The following ZNF429 variants were observed in gnomAD, a reference collection of about 807,000 sequenced individuals.
The protein encoded by ZNF429 is zinc finger protein 429.
ZNF429 carries 53 observed loss-of-function variants against 56.8 expected under a neutral mutation model. The ratio of observed to expected loss-of-function variants is 0.93; its 90% CI spans 0.75 to 1.17. The LOEUF is 1.17. ZNF429 is among the 50% of genes most tolerant of loss of function. The pLI is 0.00. For missense variants in ZNF429, 849 were observed against 788.4 expected, an observed-to-expected ratio of 1.08 and a Z score of -0.92; for synonymous variants, 278 against 264.7, an observed-to-expected ratio of 1.05 and a Z score of -0.49.
intron 1 of ZNF429, 146 bp downstream of exon 1, chr19:21,505,920 C>T (rs1201810184): frequency 4.7e-6 from 4 of 846,534 alleles, no homozygotes; most frequent in African/African-American, 1.7e-5. Context: ...CTTCAGTCCC[C>T]TTCAGCCATA....
In ZNF429 at chr19:21,530,674, T is replaced by G; in HGVS notation, c.216T>G (p.Asp72Glu). 1.2e-6 allele frequency: 2 copies of G among 1,608,246 alleles called. No homozygotes were observed. Among genetic ancestry groups the G allele is most frequent in the Non-Finnish European group, 1.7e-6 (2 of 1,176,496 alleles). The change falls in exon 3 of 4, where the codon GAT (aspartate) becomes GAG (glutamate). Residue 72 changes from aspartate to glutamate, a missense_variant. Coordinates refer to ENST00000358491, the MANE Select transcript of ZNF429 (RefSeq NM_001001415.4). ...PCKMKRHEMVDEPPVVCSHFA... is the reference protein window; with the variant it reads ...PCKMKRHEMVEEPPVVCSHFA... ...AGATGAAGCGACATGAAATGGTGGA[T>G]GAACCCCCAGGTAGGTGAGAGTGAA...
intron 1 of ZNF429, among the ~76,000 whole-genome samples, chr19:21,516,432 T>A (rs1599448003): frequency 6.6e-6 from 1 of 152,310 alleles, no homozygotes; most frequent in African/African-American, 2.4e-5. Flanking sequence ...TCGGGCTTTT[T>A]TTGTTGTTCC....
intron 1 of ZNF429, among the ~76,000 whole-genome samples, chr19:21,523,929 A>G (rs1331187418): frequency 6.6e-6 from 1 of 152,230 alleles, no homozygotes; most frequent in Non-Finnish European, 1.5e-5. Context: ...GGATCTGCAC[A>G]TAAGGCCAGG....
At chr19:21,505,815 G>C in intron 1 of ZNF429, 41 bp downstream of exon 1, 1 of 1,607,120 alleles carries the variant, frequency 6.2e-7, no homozygotes. Flanking sequence ...AGGGGGAGGG[G>C]CTGGTCGGAA....
chr19:21,507,399 G>A (rs1321289310), intron 1 of ZNF429: 2 of 152,132 alleles, frequency 1.3e-5, no homozygotes, highest in Non-Finnish European at 2.9e-5. Context: ...GCATTGGATG[G>A]CACATTTAAA....
chr19:21,532,698 A>AT, intron 3 of ZNF429, among the ~76,000 whole-genome samples: 3,604 of 144,290 alleles, frequency 0.025, 112 homozygotes, highest in African/African-American at 0.067. Flanking sequence ...ATGTGAGAGG[A>AT]TTTTTTTTTT....
Position 21,534,359 on chromosome 19 carries a change from G to T in ZNF429, c.227-1921G>T. ...TAGTTTTGGCCACAAAACATAGTGT[G>T]TAATTTTGGTCTTTTAAATTTTATT... On this transcript the variant is annotated intron_variant, in intron 3 of 3. Coordinates refer to ENST00000358491, the MANE Select transcript of ZNF429 (RefSeq NM_001001415.4). Among the ~76,000 whole-genome samples, 5 of 101,624 alleles carry T rather than the reference G, an allele frequency of 4.9e-5. 1 individual carries two copies. The highest frequency in any genetic ancestry group is 1.8e-4 in the African/African-American group (5 of 27,528). The allele number at this position is 101,624 out of a possible 152,430, so 66.7% of individuals were successfully genotyped here. A position where few individuals can be genotyped will look rare whatever the true frequency, so the allele number is the denominator to read the frequency against.
chr19:21,505,757 C>A lies in ZNF429; in HGVS notation c.-15C>A. 1 of 1,610,850 alleles carries A rather than the reference C, an allele frequency of 6.2e-7. No individual in the cohort carries two copies. Among genetic ancestry groups the A allele is most frequent in the African/African-American group, 1.3e-5 (1 of 74,910 alleles). On this transcript the variant is annotated 5_prime_UTR_variant, in exon 1 of 4. Transcript: ENST00000358491. ...ATACACAGCTAAGACTCCAGGACCC[C>A]CTGGAAGCCTAGAAATGGTGAGAGT...
intron 1 of ZNF429, among the ~76,000 whole-genome samples, chr19:21,517,578 T>G (rs2032804966): frequency 6.6e-6 from 1 of 152,204 alleles, no homozygotes; most frequent in South Asian, 2.1e-4. Context: ...TTTTTTTGGC[T>G]GGTAGGCTAT....
chr19:21,536,956 T>C lies in ZNF429; in HGVS notation c.903T>C (p.Thr301=), dbSNP rs1027115947. The change falls in exon 4 of 4, where the codon ACT becomes ACC. Residue 301 remains threonine, a synonymous_variant. Transcript: ENST00000358491. The stretch of plus-strand genomic sequence containing the variant: ...CCTTTAGCATATCCTCAACCTTTAC[T>C]AAACATAAGATAATTCATACTGAAG... ...GKTFSISSTF[T]KHKIIHTEEK... 1.9e-6 allele frequency: 3 copies of C among 1,613,920 alleles called. No homozygotes were observed. The highest frequency in any genetic ancestry group is 2.5e-6 in the Non-Finnish European group (3 of 1,179,950).
At chr19:21,526,135 G>A (rs2033164403) in intron 1 of ZNF429, among the ~76,000 whole-genome samples, 2 of 151,794 alleles carry the variant, frequency 1.3e-5, no homozygotes, top group Non-Finnish European at 2.9e-5. Context: ...TCAGGTTTTT[G>A]AGAAGCTACT....
Position 21,540,003 on chromosome 19 carries a change from G to A in ZNF429, c.*1925G>A, listed in dbSNP as rs868804571. On this transcript the variant is annotated 3_prime_UTR_variant, in exon 4 of 4. Coordinates refer to ENST00000358491, the MANE Select transcript of ZNF429 (RefSeq NM_001001415.4). ...AACTTATTGAGTGATGTATGAGGTC[G>A]ATGTTCAGAGTAATATGCCTCTGTA... is the stretch of plus-strand genomic sequence containing the variant. Among the ~76,000 whole-genome samples, 8 of 152,194 alleles carry A rather than the reference G, an allele frequency of 5.3e-5. No homozygotes were observed. Among genetic ancestry groups the A allele is most frequent in the South Asian group, 4.2e-4 (2 of 4,812 alleles).
intron 1 of ZNF429, among the ~76,000 whole-genome samples, chr19:21,514,618 G>A (rs1481276515): frequency 6.6e-6 from 1 of 151,564 alleles, no homozygotes; most frequent in Non-Finnish European, 1.5e-5. Context: ...TTATTTTTGA[G>A]ATAGAGTCTA....
chr19:21,535,469 TTTCTTTCTTTCTTTCTTTCTTTCTTTC>T lies in ZNF429; in HGVS notation c.227-791_227-765del. ...CTTTCTTTCTTTCTTTCTTTCTTTC[TTTCTTTCTTTCTTTCTTTCTTTCTTTC>T]TTCTTTCTTTCTTTCTTTCCTTCTT... On this transcript the variant is annotated intron_variant, in intron 3 of 3. Coordinates refer to ENST00000358491, the MANE Select transcript of ZNF429 (RefSeq NM_001001415.4). 9.1e-5 allele frequency among the ~76,000 whole-genome samples: 9 copies of T among 99,412 alleles called. 1 individual carries two copies. Among genetic ancestry groups the T allele is most frequent in the African/African-American group, 2.9e-4 (7 of 23,948 alleles). 65.2% of individuals were successfully genotyped at this position (99,412 alleles called of 152,430 possible). A position where few individuals can be genotyped will look rare whatever the true frequency, so the allele number is the denominator to read the frequency against.
At chr19:21,530,722 A>C in intron 3 of ZNF429, 38 bp downstream of exon 3, 2 of 1,461,960 alleles carry the variant, frequency 1.4e-6, no homozygotes, top group Non-Finnish European at 1.9e-6. Flanking sequence ...CACAGATGAG[A>C]GGTCCCAAGG....
intron 3 of ZNF429, among the ~76,000 whole-genome samples, chr19:21,531,679 C>G: frequency 6.6e-6 from 1 of 152,014 alleles, no homozygotes; most frequent in Non-Finnish European, 1.5e-5. Flanking sequence ...GTGGCAGGCA[C>G]CTGTAATCCT....
chr19:21,509,969 C>G (rs1278278800), intron 1 of ZNF429, among the ~76,000 whole-genome samples: 1 of 151,152 alleles, frequency 6.6e-6, no homozygotes, highest in Non-Finnish European at 1.5e-5. Flanking sequence ...AGTGCAGTGG[C>G]ACGATCTCTG....
At chr19:21,511,738 G>A (rs993196675) in intron 1 of ZNF429, among the ~76,000 whole-genome samples, 1 of 152,034 alleles carries the variant, frequency 6.6e-6, no homozygotes, top group Non-Finnish European at 1.5e-5. Context: ...CTGGAAGGTG[G>A]AGGTTGTAGC....
intron 1 of ZNF429, among the ~76,000 whole-genome samples, chr19:21,528,620 G>A (rs754566710): frequency 2.3e-4 from 35 of 152,046 alleles, no homozygotes; most frequent in African/African-American, 7.0e-4. Flanking sequence ...CAGGAGAATC[G>A]CTTGAACCCA....
Sources: gnomAD v4.1 joint callset for allele counts (sites outside exome capture counted in the v4.1 genomes callset) on GRCh38, gnomAD v4.1.1 for gene constraint, MANE v1.5 for transcripts, NCBI Gene and HGNC (gene_info 2026-07-23, HGNC 2026-07-21) for gene names.